CARMIL2: variants seen among roughly 807,000 people sequenced by gnomAD.
The protein encoded by CARMIL2 is capping protein regulator and myosin 1 linker 2, also known as capping protein, Arp2/3 and myosin-I linker protein 2.
In CARMIL2, 96 loss-of-function variants were observed where a neutral mutation model predicts 173.3. That is an observed-to-expected ratio of 0.55 (90% CI 0.47 to 0.66). The LOEUF (loss-of-function observed/expected upper bound fraction) is 0.66. Ranked by LOEUF, CARMIL2 falls within the 30% of genes least tolerant of loss-of-function variation. The pLI, the probability that CARMIL2 is intolerant of heterozygous loss-of-function variation, is 0.00. For synonymous variants in CARMIL2, 830 were observed against 817.1 expected (o/e 1.02, Z -0.27); for missense variants, 1,771 against 1,906.7 (o/e 0.93, Z 1.33).
rs772943545 is a variant in CARMIL2, at chr16:67,656,598, A to T, written c.3989A>T (p.Asp1330Val). ...PSPCRTSPSP[D>V]SLGLPEDPCL... ...CCCTGCAGAACCAGCCCCTCCCCAG[A>T]CAGCCTGGGCCTCCCAGAGGACCCT... is the stretch of plus-strand genomic sequence containing the variant. The change falls in exon 35 of 38, where the codon GAC becomes GTC. Residue 1330 changes from aspartate (D) to valine (V), a missense_variant. Around this residue, in one of 3 missense-constraint regions of CARMIL2, gnomAD observed 817 missense variants for 903.5 expected, o/e 0.90. Coordinates refer to ENST00000334583, the MANE Select transcript of CARMIL2 (RefSeq NM_001013838.3). 2 of 1,610,452 alleles carry T rather than the reference A, an allele frequency of 1.2e-6. No homozygotes were observed. Among genetic ancestry groups the T allele is most frequent in the South Asian group, 1.1e-5 (1 of 90,914 alleles).
rs762685250 is a variant in CARMIL2, at chr16:67,652,255, G to A, written c.2733G>A (p.Pro911=). The change falls in exon 27 of 38, where the codon CCG becomes CCA. Residue 911 remains proline, a synonymous_variant. Transcript: ENST00000334583. This position sits in a 1 kb window ranked among gnomAD's most constrained non-coding sequence, Gnocchi z 4.7. ...TVTMPPALPA[P]DGGEPSLLEP... is the part of the protein sequence containing the mutation. Reference sequence around the variant, plus strand: ...CAATGCCCCCTGCCCTACCAGCACCGGATGGAGGTGAGCCCAGCCTCCTTG... The same window carrying A: ...CAATGCCCCCTGCCCTACCAGCACCAGATGGAGGTGAGCCCAGCCTCCTTG... 1.3e-5 allele frequency: 21 copies of A among 1,613,260 alleles called. No individual in the cohort carries two copies. The highest frequency in any genetic ancestry group is 5.0e-5 in the Admixed American group (3 of 60,006).
Position 67,651,074 on chromosome 16 carries a change from C to T in CARMIL2, c.2185-113C>T. The stretch of plus-strand genomic sequence containing the variant: ...CAGATAGGGTTCCAAAGTGGCTGGT[C>T]TAAGGGTGTCAGCTTCAGGACCTCC... On this transcript the variant is annotated intron_variant, in intron 22 of 37. Coordinates refer to ENST00000334583, the MANE Select transcript of CARMIL2 (RefSeq NM_001013838.3). The surrounding 1 kb of genome is among the most constrained non-coding windows in gnomAD (Gnocchi z 4.2). 7.6e-7 allele frequency: 1 copy of T among 1,309,412 alleles called. No homozygotes were observed. 81.1% of individuals were successfully genotyped at this position (1,309,412 alleles called of 1,614,324 possible).
Position 67,651,843 on chromosome 16 carries a change from C to T in CARMIL2, c.2586C>T (p.Leu862=). 1 of 1,612,558 alleles carries T rather than the reference C, an allele frequency of 6.2e-7. No homozygotes were observed. Among genetic ancestry groups the T allele is most frequent in the Non-Finnish European group, 8.5e-7 (1 of 1,179,606 alleles). The change falls in exon 25 of 38, where the codon CTC becomes CTT. Residue 862 remains leucine (L), a splice_region_variant and synonymous_variant. Transcript: ENST00000334583. This position sits in a 1 kb window ranked among gnomAD's most constrained non-coding sequence, Gnocchi z 4.2. ...EQLLQDAFTR[L]RDMRLSITGT... is the part of the protein sequence containing the mutation. ...TGCTGCAAGATGCCTTCACTAGGCT[C>T]AGGTAGGCTGGATGGGGCTGGGCTG...
chr16:67,647,026 TG>T, intron 8 of CARMIL2, 53 bp downstream of exon 8: 1 of 1,606,218 alleles, frequency 6.2e-7, no homozygotes, highest in Non-Finnish European at 8.5e-7. Flanking sequence ...CCCATATCCC[TG>T]GGCCTCAGTT....
rs1447766485 is a variant in CARMIL2, at chr16:67,646,791, G to C, written c.537+7G>C. The C allele has an allele frequency of 5.0e-6, 8 of 1,613,894 alleles. No homozygotes were observed. Among genetic ancestry groups the C allele is most frequent in the Non-Finnish European group, 6.8e-6 (8 of 1,179,810 alleles). On this transcript the variant is annotated splice_region_variant and intron_variant, in intron 7 of 37. Transcript: ENST00000334583. The surrounding 1 kb of genome is among the most constrained non-coding windows in gnomAD (Gnocchi z 4.6). The stretch of plus-strand genomic sequence containing the variant: ...CCGAGAGGAGATTCAGTGGGTGAGG[G>C]TAGGGCCCTTTTGAAGGGCTCTGGA...
In CARMIL2 at chr16:67,647,925, T is replaced by C. The variant is rs375988904; in HGVS notation, c.1038T>C (p.Asn346=). ...TGACCCACCTGGACCTTTCTGGGAA[T>C]CCTGGGGCGCTGGGGGCCTCCGAGG... is the stretch of plus-strand genomic sequence containing the variant. ...STLTHLDLSG[N]PGALGASEDS... is the part of the protein sequence containing the mutation. The change falls in exon 13 of 38, where the codon AAT becomes AAC. Residue 346 remains asparagine (N), a synonymous_variant. Coordinates refer to ENST00000334583, the MANE Select transcript of CARMIL2 (RefSeq NM_001013838.3). 31 of 1,610,786 alleles carry C rather than the reference T, an allele frequency of 1.9e-5. No individual in the cohort carries two copies. The South Asian group carries it at 3.2e-4, about 17-fold the overall frequency.
rs1283207725 is a variant in CARMIL2, at chr16:67,650,341, T to C, written c.2184+191T>C. ...TAAATAGCTCTCCAAATAACACCCT[T>C]GGCTGCCTAACGTTAAGCCTGTAAA... On this transcript the variant is annotated intron_variant, in intron 22 of 37. Transcript: ENST00000334583. 5.0e-6 allele frequency: 3 copies of C among 595,604 alleles called. No homozygotes were observed. In the East Asian group the frequency reaches 8.3e-5, roughly 17 times the overall value. 36.9% of individuals were successfully genotyped at this position (595,604 alleles called of 1,614,324 possible).
rs1448278867 is a variant in CARMIL2 at position 67,653,488 on chromosome 16, C to A, written c.3120+234C>A. ...TCGGGGTGTGCCTGGGTGTGGGACTCCGTCTCGGGGCGGCCCGCGGCCTCC... is the reference window on the plus strand; with the variant it reads ...TCGGGGTGTGCCTGGGTGTGGGACTACGTCTCGGGGCGGCCCGCGGCCTCC... On this transcript the variant is annotated intron_variant, in intron 29 of 37. Coordinates refer to ENST00000334583, the MANE Select transcript of CARMIL2 (RefSeq NM_001013838.3). The surrounding 1 kb of genome is among the most constrained non-coding windows in gnomAD (Gnocchi z 7.4). 6.6e-6 allele frequency among the ~76,000 whole-genome samples: 1 copy of A among 152,012 alleles called. No homozygotes were observed. Among genetic ancestry groups the A allele is most frequent in the Non-Finnish European group, 1.5e-5 (1 of 67,962 alleles).
Position 67,647,570 on chromosome 16 carries a change from T to C in CARMIL2, c.839T>C (p.Leu280Pro). ...AGHSSSGLRELSLAGNLLDDR... is the reference protein window; with the variant it reads ...AGHSSSGLREPSLAGNLLDDR... ...CACTCAAGCTCTGGGCTGCGGGAGC[T>C]CAGCCTCGCGGGGAACCTGCTGGAT... Residue 280 changes from leucine (L) to proline (P), a missense_variant, in exon 11 of 38, where the codon CTC becomes CCC. Leu to Pro is a moderately conservative substitution (Grantham distance 98). Around this residue, in one of 3 missense-constraint regions of CARMIL2, gnomAD observed 944 missense variants for 975.6 expected, o/e 0.97. Transcript: ENST00000334583. The C allele has an allele frequency of 6.2e-7, 1 of 1,611,058 alleles. No individual in the cohort carries two copies.
In CARMIL2 at chr16:67,649,352, C is replaced by T. The variant is rs1483130068; in HGVS notation, c.1746+41C>T. 1 of 1,609,256 alleles carries T rather than the reference C, an allele frequency of 6.2e-7. No individual in the cohort carries two copies. The highest frequency in any genetic ancestry group is 8.5e-7 in the Non-Finnish European group (1 of 1,178,968). The stretch of plus-strand genomic sequence containing the variant: ...CTTGCAGGGCCTCGGGCAATTAGAC[C>T]ACTTTGGTCCTCCTTTCTCTTGTTC... On this transcript the variant is annotated intron_variant, in intron 19 of 37. Transcript: ENST00000334583. The surrounding 1 kb of genome is among the most constrained non-coding windows in gnomAD (Gnocchi z 6.7).
In CARMIL2 at chr16:67,654,335, G is replaced by T; in HGVS notation, c.3225G>T (p.Trp1075Cys). 1 of 1,591,638 alleles carries T rather than the reference G, an allele frequency of 6.3e-7. No individual in the cohort carries two copies. Among genetic ancestry groups the T allele is most frequent in the Admixed American group, 1.7e-5 (1 of 57,184 alleles). ...TCACTGCTGGGTGTCCCCACAGCTG[G>T]GCCCCCGAGGAGGACCCGGCCACTG... ...SKRLIQQDRL[W>C]APEEDPATEG... The change falls in exon 31 of 38, where the codon TGG (tryptophan) becomes TGT (cysteine). Residue 1075 changes from tryptophan to cysteine, a missense_variant. Around this residue, in one of 3 missense-constraint regions of CARMIL2, gnomAD observed 817 missense variants for 903.5 expected, o/e 0.90. Coordinates refer to ENST00000334583, the MANE Select transcript of CARMIL2 (RefSeq NM_001013838.3).
At position 67,648,331 on chromosome 16, in the gene CARMIL2, G is replaced by C; in HGVS notation, c.1334+17G>C. The stretch of plus-strand genomic sequence containing the variant: ...CTCCCGCACGTAAGGGGGACCTGTC[G>C]GGGCCGGGGGAGGCTGCTGGAAGCC... On this transcript the variant is annotated intron_variant, in intron 14 of 37. Transcript: ENST00000334583. This position sits in a 1 kb window ranked among gnomAD's most constrained non-coding sequence, Gnocchi z 6.1. 3 of 1,573,682 alleles carry C rather than the reference G, an allele frequency of 1.9e-6. No homozygotes were observed. Among genetic ancestry groups the C allele is most frequent in the South Asian group, 1.1e-5 (1 of 87,716 alleles).
In CARMIL2 at chr16:67,653,157, A is replaced by G. The variant is rs997627785; in HGVS notation, c.3023A>G (p.Asp1008Gly). 2 of 1,106,864 alleles carry G rather than the reference A, an allele frequency of 1.8e-6. No homozygotes were observed. The highest frequency in any genetic ancestry group is 2.2e-6 in the Non-Finnish European group (2 of 908,058). 68.6% of individuals were successfully genotyped at this position (1,106,864 alleles called of 1,614,324 possible). ...CCGGCCGGCCCGCTGCCCCGCATGG[A>G]CCTGCCACTGGCGGGGCAGCCCCTG... Reference protein sequence around the residue: ...GPPAGPLPRMDLPLAGQPLRH... With the variant: ...GPPAGPLPRMGLPLAGQPLRH... Residue 1008 changes from aspartate (D) to glycine (G), a missense_variant, in exon 29 of 38, where the codon GAC becomes GGC. This residue lies in a region of CARMIL2 where 817 missense variants were observed against 903.5 expected (regional missense o/e 0.90). Coordinates refer to ENST00000334583, the MANE Select transcript of CARMIL2 (RefSeq NM_001013838.3). This position sits in a 1 kb window ranked among gnomAD's most constrained non-coding sequence, Gnocchi z 7.4.
chr16:67,652,112 C>T lies in CARMIL2; in HGVS notation c.2677-87C>T. The T allele has an allele frequency of 1.3e-6, 2 of 1,597,110 alleles. No homozygotes were observed. The highest frequency in any genetic ancestry group is 2.7e-5 in the African/African-American group (2 of 74,714). The stretch of plus-strand genomic sequence containing the variant: ...TAATGTCTTCTGGGGTCATGTAGCC[C>T]AGGGCTATTTCAGGGTCCCCTTAGT... On this transcript the variant is annotated intron_variant, in intron 26 of 37. Coordinates refer to ENST00000334583, the MANE Select transcript of CARMIL2 (RefSeq NM_001013838.3). This position sits in a 1 kb window ranked among gnomAD's most constrained non-coding sequence, Gnocchi z 4.7.
chr16:67,657,393 C>G lies in CARMIL2; in HGVS notation c.4196-13C>G. The G allele has an allele frequency of 6.2e-7, 1 of 1,605,028 alleles. No individual in the cohort carries two copies. The highest frequency in any genetic ancestry group is 1.7e-5 in the Admixed American group (1 of 58,450). On this transcript the variant is annotated splice_polypyrimidine_tract_variant and intron_variant, in intron 37 of 37. Transcript: ENST00000334583. This position sits in a 1 kb window ranked among gnomAD's most constrained non-coding sequence, Gnocchi z 4.5. ...CCCTGACCCTTCCTCTCTCTCCCTC[C>G]CTCCCCTCACAGGATCTGGCCTTGG...
chr16:67,649,151 G>A lies in CARMIL2; in HGVS notation c.1667G>A (p.Arg556Lys). Residue 556 changes from arginine to lysine, a missense_variant, in exon 18 of 38, where the codon AGG (arginine) becomes AAG (lysine). Arg to Lys is a conservative substitution (Grantham distance 26). Around this residue, in one of 3 missense-constraint regions of CARMIL2, gnomAD observed 944 missense variants for 975.6 expected, o/e 0.97. Coordinates refer to ENST00000334583, the MANE Select transcript of CARMIL2 (RefSeq NM_001013838.3). The surrounding 1 kb of genome is among the most constrained non-coding windows in gnomAD (Gnocchi z 6.7). ...TCCCTGAGACATGTGGCGCTTGGAA[G>A]GAACTTCAACGTCCGGTGCAAGTGA... ...SRSLRHVALG[R>K]NFNVRCKETL... The A allele has an allele frequency of 6.2e-7, 1 of 1,613,606 alleles. No homozygotes were observed.
Position 67,652,607 on chromosome 16 carries a change from G to C in CARMIL2, c.2884+69G>C. The C allele has an allele frequency of 6.8e-7, 1 of 1,474,442 alleles. No homozygotes were observed. The highest frequency in any genetic ancestry group is 1.2e-5 in the South Asian group (1 of 84,788). The allele number at this position is 1,474,442 out of a possible 1,614,324, so 91.3% of individuals were successfully genotyped here. A position where few individuals can be genotyped will look rare whatever the true frequency, so the allele number is the denominator to read the frequency against. ...AAGCTCCATTAGACTTGGGGACCCGGGGACCTGGATGAACTCATTCAGCCT... is the reference window on the plus strand; with the variant it reads ...AAGCTCCATTAGACTTGGGGACCCGCGGACCTGGATGAACTCATTCAGCCT... On this transcript the variant is annotated intron_variant, in intron 28 of 37. Transcript: ENST00000334583. This position sits in a 1 kb window ranked among gnomAD's most constrained non-coding sequence, Gnocchi z 4.7.
At position 67,647,207 on chromosome 16, in the gene CARMIL2, G is replaced by T. The variant is rs770264466; in HGVS notation, c.687+16G>T. The T allele has an allele frequency of 6.2e-7, 1 of 1,613,678 alleles. No homozygotes were observed. The highest frequency in any genetic ancestry group is 1.1e-5 in the South Asian group (1 of 91,084). Reference sequence around the variant, plus strand: ...CATGAAGCTGGTGAGGGGGTTCGGGGTAAGGGCAGGGAGGGGCCAAGGGTG... The same window carrying T: ...CATGAAGCTGGTGAGGGGGTTCGGGTTAAGGGCAGGGAGGGGCCAAGGGTG... On this transcript the variant is annotated intron_variant, in intron 9 of 37. Coordinates refer to ENST00000334583, the MANE Select transcript of CARMIL2 (RefSeq NM_001013838.3).
At position 67,646,845 on chromosome 16, in the gene CARMIL2, C is replaced by G; in HGVS notation, c.538-55C>G. 1 of 1,612,320 alleles carries G rather than the reference C, an allele frequency of 6.2e-7. No individual in the cohort carries two copies. The highest frequency in any genetic ancestry group is 8.5e-7 in the Non-Finnish European group (1 of 1,178,524). On this transcript the variant is annotated intron_variant, in intron 7 of 37. Transcript: ENST00000334583. The surrounding 1 kb of genome is among the most constrained non-coding windows in gnomAD (Gnocchi z 4.6). Reference sequence around the variant, plus strand: ...ATCTGGTCCCCCATGTGTGCTGAGCCCCTCCCTGCCCCTTGTGGCCCCAGG... The same window carrying G: ...ATCTGGTCCCCCATGTGTGCTGAGCGCCTCCCTGCCCCTTGTGGCCCCAGG...
Sources: gnomAD v4.1 joint callset for allele counts (sites outside exome capture counted in the v4.1 genomes callset) on GRCh38, gnomAD v4.1.1 for gene constraint, gnomAD v4.1.1 regional missense constraint, Gnocchi (gnomAD v3.1) non-coding constraint, MANE v1.5 for transcripts, NCBI Gene and HGNC (gene_info 2026-07-23, HGNC 2026-07-21) for gene names.